Variants in EPB41 observed in about 807,000 individuals in gnomAD.
The protein encoded by EPB41 is protein 4.1.
Under a neutral mutation model 108.0 loss-of-function variants are expected in EPB41, and 65 were observed. That is an observed-to-expected ratio of 0.60 (90% CI 0.49 to 0.74). The LOEUF (loss-of-function observed/expected upper bound fraction) is 0.74, where lower values mean the gene tolerates loss of function less well. Among genes scored for constraint, EPB41 ranks in the 30% least tolerant of loss-of-function variants. The probability of loss-of-function intolerance (pLI) is 0.00; values close to 1 mark genes in which losing one functional copy is unlikely to be tolerated. For missense variants in EPB41, 875 were observed against 1,037.0 expected (o/e 0.84, Z 2.15); for synonymous variants, 336 against 358.9 (o/e 0.94, Z 0.72).
intron 1 of EPB41, among the ~76,000 whole-genome samples, chr1:28,978,501 A>G (rs1396069137): frequency 6.6e-6 from 1 of 151,600 alleles, no homozygotes; most frequent in Non-Finnish European, 1.5e-5. Context: ...GGAGATGCAT[A>G]TAGATGCCAA....
chr1:28,977,987 C>T (rs1158245708), intron 1 of EPB41, among the ~76,000 whole-genome samples: 1 of 144,646 alleles, frequency 6.9e-6, no homozygotes, highest in Non-Finnish European at 1.5e-5. Flanking sequence ...GATGCAAACT[C>T]TCCTTAATCA....
chr1:29,004,905 C>T (rs1028410939), intron 4 of EPB41, among the ~76,000 whole-genome samples: 1 of 152,102 alleles, frequency 6.6e-6, no homozygotes, highest in Non-Finnish European at 1.5e-5. Context: ...CCTCAAAAGA[C>T]AAGGATTTGT....
intron 16 of EPB41, among the ~76,000 whole-genome samples, chr1:29,084,107 G>C (rs1029794384): frequency 1.3e-5 from 2 of 152,126 alleles, no homozygotes; most frequent in African/African-American, 2.4e-5. Flanking sequence ...TTTCTTACTG[G>C]GTTTGCAAAG....
chr1:28,890,403 C>G (rs1283535781), intron 1 of EPB41, among the ~76,000 whole-genome samples: 2 of 152,138 alleles, frequency 1.3e-5, no homozygotes, highest in Non-Finnish European at 2.9e-5. Context: ...AGTCACTTTG[C>G]TCCCTGGGTT....
intron 17 of EPB41, among the ~76,000 whole-genome samples, chr1:29,103,893 C>G (rs1309757615): frequency 6.6e-6 from 1 of 152,180 alleles, no homozygotes; most frequent in East Asian, 1.9e-4. Context: ...TTTCGAATGC[C>G]TGATCTCAGG....
At chr1:28,910,440 T>C (rs2092179079), upstream of EPB41, among the ~76,000 whole-genome samples, 1 of 152,224 alleles carries the variant, frequency 6.6e-6, no homozygotes, top group South Asian at 2.1e-4. Flanking sequence ...ACTTTGTTGG[T>C]GGGCCCAGCT....
chr1:29,086,633 T>G (rs149034825), intron 16 of EPB41, among the ~76,000 whole-genome samples: 65 of 152,280 alleles, frequency 4.3e-4, no homozygotes, highest in African/African-American at 1.3e-3. Flanking sequence ...TTTAAATGGC[T>G]AAGAAATGAA....
At chr1:29,054,168 C>T (rs1261147984) in intron 12 of EPB41, 1 of 152,202 alleles carries the variant, frequency 6.6e-6, no homozygotes, top group Non-Finnish European at 1.5e-5. Context: ...ATTGCACCCA[C>T]AGTCACTGCA....
intron 10 of EPB41, among the ~76,000 whole-genome samples, chr1:29,036,254 ATTTTTTTT>A (rs71022387): frequency 9.4e-6 from 1 of 106,354 alleles, no homozygotes; most frequent in Non-Finnish European, 1.9e-5. Context: ...TCCACGTGTG[ATTTTTTTT>A]TTTTTTTTTT....
chr1:29,003,951 C>CA (rs2096352710), intron 4 of EPB41, among the ~76,000 whole-genome samples: 1 of 152,118 alleles, frequency 6.6e-6, no homozygotes, highest in African/African-American at 2.4e-5. Flanking sequence ...TTAGTATAGA[C>CA]AGAGTTTCAC....
chr1:28,968,745 C>T (rs962435185), intron 1 of EPB41, among the ~76,000 whole-genome samples: 4 of 152,188 alleles, frequency 2.6e-5, no homozygotes, highest in Admixed American at 1.3e-4. Context: ...GGGTGGATCA[C>T]CTGACGCCAG....
At chr1:28,931,530 ATTTT>A (rs201647126) in intron 1 of EPB41, among the ~76,000 whole-genome samples, 4 of 141,220 alleles carry the variant, frequency 2.8e-5, no homozygotes, top group South Asian at 4.5e-4. Context: ...TGACTTTGTA[ATTTT>A]TTTTTTTTTT....
intron 4 of EPB41, among the ~76,000 whole-genome samples, chr1:29,004,475 A>G (rs1473932123): frequency 6.6e-6 from 1 of 152,224 alleles, no homozygotes; most frequent in East Asian, 1.9e-4. Context: ...AATAAAGAGT[A>G]TGAGTAATTT....
intron 7 of EPB41, among the ~76,000 whole-genome samples, chr1:29,029,994 C>T (rs552129281): frequency 7.8e-4 from 118 of 152,248 alleles, no homozygotes; most frequent in African/African-American, 2.8e-3. Context: ...TTGTAAATTA[C>T]ACCATGCCCT....
rs545394758 is a variant in EPB41 at position 29,037,568 on chromosome 1, G to A, written c.1463+1645G>A. On this transcript the variant is annotated intron_variant, in intron 10 of 20. Transcript: ENST00000343067. Reference sequence around the variant, plus strand: ...AATTACTTGTATTGAAAGGAAAGTTGGCTATTTATCAGTTTGCCTTTTTTT... The same window carrying A: ...AATTACTTGTATTGAAAGGAAAGTTAGCTATTTATCAGTTTGCCTTTTTTT... Among the ~76,000 whole-genome samples, 5 of 150,698 alleles carry A rather than the reference G, an allele frequency of 3.3e-5. No individual in the cohort carries two copies. In the East Asian group the frequency reaches 8.0e-4, roughly 24 times the overall value.
intron 4 of EPB41, among the ~76,000 whole-genome samples, chr1:29,003,648 T>C (rs899024965): frequency 6.6e-6 from 1 of 152,244 alleles, no homozygotes; most frequent in Non-Finnish European, 1.5e-5. Flanking sequence ...GTGCTTTGTT[T>C]GTAGACAATT....
intron 5 of EPB41, among the ~76,000 whole-genome samples, chr1:29,014,406 A>G (rs960446129): frequency 7.2e-5 from 11 of 152,108 alleles, no homozygotes; most frequent in East Asian, 1.9e-4. Context: ...TGTTATAAAT[A>G]TGTGGTATAA....
intron 1 of EPB41, among the ~76,000 whole-genome samples, chr1:28,915,896 C>G (rs963290542): frequency 6.6e-6 from 1 of 151,904 alleles, no homozygotes; most frequent in Non-Finnish European, 1.5e-5. Flanking sequence ...TGCTGTTGCT[C>G]ATTGTTGTTT....
intron 1 of EPB41, among the ~76,000 whole-genome samples, chr1:28,926,476 C>T (rs1002691444): frequency 2.6e-5 from 4 of 152,276 alleles, no homozygotes; most frequent in African/African-American, 7.2e-5. Context: ...AGCGAAAATT[C>T]GCTTCAAAGC....
Sources: allele counts gnomAD v4.1 joint callset (sites outside exome capture counted in the v4.1 genomes callset), GRCh38; gene constraint gnomAD v4.1.1; transcripts MANE v1.5; gene names NCBI Gene and HGNC (gene_info 2026-07-23, HGNC 2026-07-21).